The following MTR variants were observed in gnomAD, a reference collection of about 807,000 sequenced individuals.
MTR encodes the protein methionine synthase.
MTR carries 84 observed loss-of-function variants against 154.8 expected under a neutral mutation model. The observed-to-expected ratio is 0.54, with a 90% confidence interval of 0.45 to 0.65. MTR has a LOEUF of 0.65. Among genes scored for constraint, MTR ranks in the 30% least tolerant of loss-of-function variants. MTR has a pLI of 0.00. For synonymous variants in MTR, 554 were observed against 553.9 expected, an observed-to-expected ratio of 1.00 and a Z score of 0.00; for missense variants, 1,275 against 1,570.2, an observed-to-expected ratio of 0.81 and a Z score of 3.18.
chr1:236,900,484 A>G lies in MTR; in HGVS notation c.*2840A>G, dbSNP rs1188175357. 1.3e-5 allele frequency: 2 copies of G among 157,618 alleles called. No homozygotes were observed. The highest frequency in any genetic ancestry group is 4.8e-5 in the African/African-American group (2 of 41,528). 9.8% of individuals were successfully genotyped at this position (157,618 alleles called of 1,614,324 possible). A position where few individuals can be genotyped will look rare whatever the true frequency, so the allele number is the denominator to read the frequency against. ...CACAGAAGGAGGAAGTGGAAGGGAC[A>G]GGAGCACATAGGTAGATGCCAAGTT... On this transcript the variant is annotated 3_prime_UTR_variant, in exon 33 of 33. Transcript: ENST00000366577.
chr1:236,809,834 T>TG (rs1661198661), intron 4 of MTR, among the ~76,000 whole-genome samples: 1 of 152,192 alleles, frequency 6.6e-6, no homozygotes, highest in Admixed American at 6.5e-5. Flanking sequence ...GAACACAACT[T>TG]GCTACACCAT....
At chr1:236,796,724 G>T (rs951330112) in intron 1 of MTR, among the ~76,000 whole-genome samples, 1 of 150,412 alleles carries the variant, frequency 6.6e-6, no homozygotes, top group Admixed American at 6.6e-5. Context: ...CCCTATGAGA[G>T]GTTTATATGT....
At chr1:236,855,534 C>G (rs1558313437) in intron 18 of MTR, among the ~76,000 whole-genome samples, 1 of 152,112 alleles carries the variant, frequency 6.6e-6, no homozygotes, top group Non-Finnish European at 1.5e-5. Flanking sequence ...TGAGAATATT[C>G]TTGATACTTT....
At position 236,818,086 on chromosome 1, in the gene MTR, G is replaced by A. The variant is rs182589458; in HGVS notation, c.764+1543G>A. ...GAGTATTTGGAGCATTCCTCCCTTC[G>A]CTTTCTCTTTTCCCGCCCCTTTGCT... On this transcript the variant is annotated intron_variant, in intron 8 of 32. Transcript: ENST00000366577. Among the ~76,000 whole-genome samples, 542 of 152,142 alleles carry A rather than the reference G, an allele frequency of 3.6e-3. 7 individuals are homozygous for A. The highest frequency in any genetic ancestry group is 0.013 in the African/African-American group (527 of 41,494).
Position 236,900,149 on chromosome 1 carries a change from GA to G in MTR, c.*2510del. Reference sequence around the variant, plus strand: ...ACATATTTATAATAGTTAATAACTGGAAAAAGTGAAATGTATGTCTGTCTAC... The same window carrying G: ...ACATATTTATAATAGTTAATAACTGGAAAAGTGAAATGTATGTCTGTCTAC... On this transcript the variant is annotated 3_prime_UTR_variant, in exon 33 of 33. Transcript: ENST00000366577. 9.9e-6 allele frequency: 4 copies of G among 405,002 alleles called. No homozygotes were observed. Among genetic ancestry groups the G allele is most frequent in the South Asian group, 5.5e-5 (3 of 54,882 alleles). 25.1% of individuals were successfully genotyped at this position (405,002 alleles called of 1,614,324 possible). A position where few individuals can be genotyped will look rare whatever the true frequency, so the allele number is the denominator to read the frequency against.
chr1:236,848,462 G>A (rs1006516450), intron 15 of MTR, among the ~76,000 whole-genome samples: 5 of 152,154 alleles, frequency 3.3e-5, no homozygotes, highest in African/African-American at 1.2e-4. Flanking sequence ...ACTCTATTGG[G>A]CTGTCTGGTG....
At chr1:236,858,631 T>A (rs1664343233) in intron 18 of MTR, among the ~76,000 whole-genome samples, 1 of 152,156 alleles carries the variant, frequency 6.6e-6, no homozygotes, top group African/African-American at 2.4e-5. Context: ...CCAGAATGAT[T>A]CTGGGCTGTG....
intron 15 of MTR, among the ~76,000 whole-genome samples, chr1:236,840,795 C>G (rs540166414): frequency 6.6e-6 from 1 of 152,258 alleles, no homozygotes; most frequent in African/African-American, 2.4e-5. Context: ...TTTTTAGTAG[C>G]ATGAACAGTT....
At chr1:236,858,355 A>G (rs1026954518) in intron 18 of MTR, among the ~76,000 whole-genome samples, 3 of 152,192 alleles carry the variant, frequency 2.0e-5, no homozygotes, top group Non-Finnish European at 2.9e-5. Flanking sequence ...AGCACAGGAA[A>G]GACCCGTCTC....
chr1:236,829,459 A>G (rs1312285885), intron 12 of MTR, among the ~76,000 whole-genome samples, 191 bp downstream of exon 12: 1 of 152,204 alleles, frequency 6.6e-6, no homozygotes, highest in Non-Finnish European at 1.5e-5. Flanking sequence ...GATGACGTCA[A>G]CTTTAGGGTA....
rs1253512992 is a variant in MTR at position 236,819,694 on chromosome 1, C to T, written c.764+3151C>T. 8 of 688,396 alleles carry T rather than the reference C, an allele frequency of 1.2e-5. No individual in the cohort carries two copies. The East Asian group carries it at 1.8e-4, about 15-fold the overall frequency. 42.6% of individuals were successfully genotyped at this position (688,396 alleles called of 1,614,324 possible). A position where few individuals can be genotyped will look rare whatever the true frequency, so the allele number is the denominator to read the frequency against. On this transcript the variant is annotated intron_variant, in intron 8 of 32. Transcript: ENST00000366577. ...GAGGAGGATGTCCTTAAGTTCCTTA[C>T]AGCAGGAACCCATTTAGGTGGCACC... is the stretch of plus-strand genomic sequence containing the variant.
rs1397786110 is a variant in MTR, at chr1:236,795,465, G to A, written c.-239G>A. The A allele has an allele frequency of 5.3e-6, 8 of 1,503,568 alleles. No homozygotes were observed. Among genetic ancestry groups the A allele is most frequent in the Admixed American group, 2.0e-5 (1 of 49,908 alleles). 93.1% of individuals were successfully genotyped at this position (1,503,568 alleles called of 1,614,324 possible). The stretch of plus-strand genomic sequence containing the variant: ...GACACCAAGGACTGGCCGGGTACCC[G>A]GGAAGAAAGCACGTGCTCCAGCAGT... On this transcript the variant is annotated 5_prime_UTR_variant, in exon 1 of 33. Coordinates refer to ENST00000366577, the MANE Select transcript of MTR (RefSeq NM_000254.3).
Position 236,806,225 on chromosome 1 carries a change from G to C in MTR, c.331G>C (p.Glu111Gln), listed in dbSNP as rs768491623. The C allele has an allele frequency of 1.2e-6, 2 of 1,613,300 alleles. No individual in the cohort carries two copies. Among genetic ancestry groups the C allele is most frequent in the Non-Finnish European group, 1.7e-6 (2 of 1,179,266 alleles). The part of the protein sequence containing the change: ...TSIAQADYGL[E>Q]HLAYRMNMCS... ...TATTGCCCAAGCTGACTATGGCCTT[G>C]AACACTTGGTAAGAATTCCATTGTT... The change falls in exon 3 of 33, where the codon GAA (glutamate) becomes CAA (glutamine). Residue 111 changes from glutamate (E) to glutamine (Q), a missense_variant. Transcript: ENST00000366577.
intron 27 of MTR, among the ~76,000 whole-genome samples, chr1:236,887,949 T>C (rs2147928413): frequency 6.6e-6 from 1 of 152,372 alleles, no homozygotes; most frequent in East Asian, 1.9e-4. Context: ...TTCCTTTTAG[T>C]TTCTCTACTA....
intron 2 of MTR, 112 bp downstream of exon 2, chr1:236,803,754 C>T (rs1660821961): frequency 9.6e-7 from 1 of 1,046,140 alleles, no homozygotes; most frequent in Non-Finnish European, 1.5e-6. Flanking sequence ...AATAAAGAGG[C>T]AATTTATTCA....
In MTR at chr1:236,803,440, A is replaced by G; in HGVS notation, c.47A>G (p.Lys16Arg). ...ACTTTCTTTAAAGAAGGTCTGAAGA[A>G]AACCCTGCGGGATGAGATCAATGCC... ...QDLSQPEGLKKTLRDEINAIL... is the reference protein window; with the variant it reads ...QDLSQPEGLKRTLRDEINAIL... Residue 16 changes from lysine to arginine, a missense_variant, in exon 2 of 33, where the codon AAA becomes AGA. Coordinates refer to ENST00000366577, the MANE Select transcript of MTR (RefSeq NM_000254.3). 6.2e-7 allele frequency: 1 copy of G among 1,614,160 alleles called. No individual in the cohort carries two copies. The highest frequency in any genetic ancestry group is 8.5e-7 in the Non-Finnish European group (1 of 1,180,006).
rs78695061 is a variant in MTR at position 236,831,648 on chromosome 1, A to T, written c.1076-318A>T. On this transcript the variant is annotated intron_variant, in intron 12 of 32. Transcript: ENST00000366577. Reference sequence around the variant, plus strand: ...GGTTTTTGCCTCAGCCTCTTGGTTAAATAGGGGTTGATGATTATTTTTCCT... The same window carrying T: ...GGTTTTTGCCTCAGCCTCTTGGTTATATAGGGGTTGATGATTATTTTTCCT... Among the ~76,000 whole-genome samples the T allele has an allele frequency of 1.9e-3, 296 of 152,332 alleles. 1 individual carries two copies. Among genetic ancestry groups the T allele is most frequent in the Non-Finnish European group, 3.0e-3 (207 of 68,026 alleles).
In MTR at chr1:236,886,331, G is replaced by C. The variant is rs113042166; in HGVS notation, c.2815G>C (p.Gly939Arg). The C allele has an allele frequency of 8.4e-4, 1,349 of 1,614,162 alleles. 19 individuals carry two copies. The African/African-American group carries it at 0.016, about 19-fold the overall frequency. ...ACCCTTAAGTCAAGCCAGAAAAAGT[G>C]GTTTCCAAATGGATTGGCTGTCTGA... ...YLPLSQARKSGFQMDWLSEPH... is the reference protein window; with the variant it reads ...YLPLSQARKSRFQMDWLSEPH... The change falls in exon 27 of 33, where the codon GGT becomes CGT. Residue 939 changes from glycine (G) to arginine (R), a missense_variant. By Grantham distance (125) the Gly-to-Arg change is moderately radical (BLOSUM62 -2). Transcript: ENST00000366577.
Position 236,863,474 on chromosome 1 carries a change from C to T in MTR, c.2325C>T (p.Ile775=), listed in dbSNP as rs376941088. Residue 775 remains isoleucine, a synonymous_variant, in exon 22 of 33, where the codon ATC becomes ATT. Coordinates refer to ENST00000366577, the MANE Select transcript of MTR (RefSeq NM_000254.3). The part of the protein sequence containing the change: ...VEEEDPYQGT[I]VLATVKGDVH... ...TCCAGGACCCTTACCAGGGCACCAT[C>T]GTGCTGGCCACTGTTAAAGGCGACG... 13 of 1,613,892 alleles carry T rather than the reference C, an allele frequency of 8.1e-6. No homozygotes were observed. The highest frequency in any genetic ancestry group is 3.3e-4 in the Middle Eastern group (2 of 6,082).
Sources: allele counts gnomAD v4.1 joint callset (sites outside exome capture counted in the v4.1 genomes callset), GRCh38; gene constraint gnomAD v4.1.1; transcripts MANE v1.5; gene names NCBI Gene and HGNC (gene_info 2026-07-23, HGNC 2026-07-21).